SI: variants seen among roughly 807,000 people sequenced by gnomAD.
SI encodes the protein sucrase-isomaltase, also known as sucrase-isomaltase, intestinal.
A neutral mutation model predicts 253.3 loss-of-function variants in SI; 235 were observed. That is an observed-to-expected ratio of 0.93 (90% CI 0.83 to 1.03). SI has a LOEUF of 1.03. SI is among the 50% of genes least tolerant of loss of function. The pLI is 0.00. For synonymous variants in SI, 819 were observed against 712.0 expected (o/e 1.15, Z -2.39); for missense variants, 2,442 against 2,211.1 (o/e 1.10, Z -2.09).
intron 34 of SI, among the ~76,000 whole-genome samples, chr3:165,012,391 G>T (rs1576884292): frequency 6.6e-6 from 1 of 151,592 alleles, no homozygotes; most frequent in African/African-American, 2.4e-5. Flanking sequence ...TAGATCTAAT[G>T]TTAAATGTTA....
chr3:165,038,880 G>A (rs1388826113), intron 20 of SI, among the ~76,000 whole-genome samples, 198 bp downstream of exon 20: 1 of 151,830 alleles, frequency 6.6e-6, no homozygotes, highest in East Asian at 1.9e-4. Context: ...TTTGAGTCTA[G>A]CTCATGTGCA....
At chr3:165,064,111 A>C (rs2108256692) in intron 7 of SI, among the ~76,000 whole-genome samples, 1 of 151,864 alleles carries the variant, frequency 6.6e-6, no homozygotes, top group Admixed American at 6.6e-5. Context: ...TAAATAAAAT[A>C]ATAACTTAGT....
At chr3:165,014,374 G>A (rs1718926528) in intron 33 of SI, among the ~76,000 whole-genome samples, 1 of 151,500 alleles carries the variant, frequency 6.6e-6, no homozygotes, top group South Asian at 2.1e-4. Context: ...TCAGCCTCCT[G>A]AGTAGCTGGG....
At chr3:165,050,808 A>G (rs1430203832) in intron 13 of SI, among the ~76,000 whole-genome samples, 5 of 151,850 alleles carry the variant, frequency 3.3e-5, no homozygotes, top group Admixed American at 6.6e-5. Context: ...CCTTTTCCCC[A>G]TCCACATCAT....
At chr3:165,066,337 C>A (rs530669820) in intron 6 of SI, among the ~76,000 whole-genome samples, 1 of 151,892 alleles carries the variant, frequency 6.6e-6, no homozygotes, top group Admixed American at 6.6e-5. Flanking sequence ...CCCATGGATA[C>A]TGAGGGAGGT....
At position 165,013,014 on chromosome 3, in the gene SI, A is replaced by T. The variant is rs779805310; in HGVS notation, c.4028T>A (p.Ile1343Lys). 1.2e-6 allele frequency: 2 copies of T among 1,610,848 alleles called. No homozygotes were observed. Among genetic ancestry groups the T allele is most frequent in the South Asian group, 2.2e-5 (2 of 90,996 alleles). ...KVWPDLPNIT[I>K]DKTLTEDEAV... is the part of the protein sequence containing the mutation. ...TTCATCTTCCGTTAGAGTTTTATCT[A>T]TTGTTATGTTGGGCAAATCTGGCCA... Residue 1343 changes from isoleucine (I) to lysine (K), a missense_variant, in exon 34 of 48, where the codon ATA becomes AAA. Ile to Lys is a moderately radical substitution (Grantham distance 102). Coordinates refer to ENST00000264382, the MANE Select transcript of SI (RefSeq NM_001041.4).
Position 165,052,529 on chromosome 3 carries a change from A to G in SI, c.1513-2654T>C, listed in dbSNP as rs1219697430. Among the ~76,000 whole-genome samples, 4 of 151,992 alleles carry G rather than the reference A, an allele frequency of 2.6e-5. No homozygotes were observed. In the South Asian group the frequency reaches 8.3e-4, roughly 31 times the overall value. ...AAATTAGCTGGGCGTGGTGAAGTGCACCTGTAATCCCAGCTCCTCGGGAGG... is the reference window on the plus strand; with the variant it reads ...AAATTAGCTGGGCGTGGTGAAGTGCGCCTGTAATCCCAGCTCCTCGGGAGG... On this transcript the variant is annotated intron_variant, in intron 13 of 47. Transcript: ENST00000264382.
At position 165,063,541 on chromosome 3, in the gene SI, T is replaced by G; in HGVS notation, c.808A>C (p.Asn270His). The G allele has an allele frequency of 7.6e-7, 1 of 1,320,330 alleles. No homozygotes were observed. Among genetic ancestry groups the G allele is most frequent in the Non-Finnish European group, 1.1e-6 (1 of 920,298 alleles). 81.8% of individuals were successfully genotyped at this position (1,320,330 alleles called of 1,614,324 possible). A position where few individuals can be genotyped will look rare whatever the true frequency, so the allele number is the denominator to read the frequency against. The change falls in exon 8 of 48, where the codon AAT (asparagine) becomes CAT (histidine). Residue 270 changes from asparagine (N) to histidine (H), a missense_variant and splice_region_variant. Physicochemically the swap from Asn to His is moderately conservative, Grantham distance 68. Transcript: ENST00000264382. Reference protein sequence around the residue: ...IFTRDQLPGDNNNNLYGHQTF... With the variant: ...IFTRDQLPGDHNNNLYGHQTF... ...TGATGGCCGTATAAATTATTATTAT[T>G]CTATAAGGCAAGAATTTGAAAATAC...
In SI at chr3:165,019,635, A is replaced by T; in HGVS notation, c.3390T>A (p.Thr1130=). The T allele has an allele frequency of 5.0e-6, 8 of 1,612,610 alleles. No homozygotes were observed. The highest frequency in any genetic ancestry group is 6.8e-6 in the Non-Finnish European group (8 of 1,179,040). Reference sequence around the variant, plus strand: ...GTTGGTCTCTTGTGAACATTCCCCAAGTATTCCAGTTCAGATCTCGCTTAA... The same window carrying T: ...GTTGGTCTCTTGTGAACATTCCCCATGTATTCCAGTTCAGATCTCGCTTAA... ...TAFKRDLNWN[T]WGMFTRDQPP... The change falls in exon 28 of 48, where the codon ACT becomes ACA. Residue 1130 remains threonine (T), a synonymous_variant. Transcript: ENST00000264382.
At chr3:164,996,816 A>G (rs1408804183) in intron 38 of SI, 44 bp from the exon 39 acceptor site, 2 of 851,822 alleles carry the variant, frequency 2.3e-6, no homozygotes, top group Non-Finnish European at 3.6e-6. Context: ...ATTATTTCAT[A>G]TATTTTAATA....
chr3:165,028,845 A>G (rs903350661), intron 25 of SI, among the ~76,000 whole-genome samples: 2 of 151,280 alleles, frequency 1.3e-5, no homozygotes. Context: ...TCTAGAAGAT[A>G]GCATTCTAGA....
At chr3:164,982,012 G>T (rs995919543) in intron 47 of SI, among the ~76,000 whole-genome samples, 1 of 152,068 alleles carries the variant, frequency 6.6e-6, no homozygotes, top group Admixed American at 6.6e-5. Flanking sequence ...AGTTAATTTT[G>T]CTGTGATTGT....
intron 8 of SI, among the ~76,000 whole-genome samples, chr3:165,062,935 C>T (rs1035364933): frequency 6.6e-6 from 1 of 151,918 alleles, no homozygotes; most frequent in African/African-American, 2.4e-5. Flanking sequence ...GCTGGAAAAC[C>T]ATGTAATAAA....
chr3:165,006,626 A>G (rs1328847299), intron 37 of SI, among the ~76,000 whole-genome samples, 190 bp downstream of exon 37: 1 of 152,188 alleles, frequency 6.6e-6, no homozygotes, highest in East Asian at 1.9e-4. Context: ...TAATAACAAT[A>G]AAGATATTTA....
intron 3 of SI, among the ~76,000 whole-genome samples, chr3:165,073,366 A>G (rs561665352): frequency 6.6e-6 from 1 of 152,058 alleles, no homozygotes; most frequent in Non-Finnish European, 1.5e-5. Flanking sequence ...CACTTTCCTC[A>G]GTGTATCTCA....
At chr3:164,987,333 T>A in intron 44 of SI, 107 bp from the exon 45 acceptor site, 1 of 864,442 alleles carries the variant, frequency 1.2e-6, no homozygotes, top group Non-Finnish European at 1.9e-6. Context: ...CATTAAGGAG[T>A]GTGCAAACTG....
chr3:165,026,259 G>A (rs1195809781), intron 25 of SI, among the ~76,000 whole-genome samples: 2 of 151,234 alleles, frequency 1.3e-5, no homozygotes, highest in African/African-American at 4.8e-5. Context: ...AATGATAAAA[G>A]GCCTTGTCCA....
At chr3:164,980,134 G>A (rs6775602) in intron 47 of SI, among the ~76,000 whole-genome samples, 7,329 of 151,784 alleles carry the variant, frequency 0.048, 603 homozygotes, top group African/African-American at 0.17. Context: ...GAGAAGGGGA[G>A]GTGAATCCTT....
intron 13 of SI, among the ~76,000 whole-genome samples, chr3:165,054,789 C>T (rs1319046038): frequency 3.3e-5 from 5 of 152,094 alleles, no homozygotes; most frequent in African/African-American, 7.2e-5. Context: ...CTCTAAAGGG[C>T]AGGGGCTTAT....
Sources: allele counts gnomAD v4.1 joint callset (sites outside exome capture counted in the v4.1 genomes callset), GRCh38; gene constraint gnomAD v4.1.1; transcripts MANE v1.5; gene names NCBI Gene and HGNC (gene_info 2026-07-23, HGNC 2026-07-21).